The following CYP7B1 variants were observed in gnomAD, a reference collection of about 807,000 sequenced individuals.
CYP7B1 encodes the protein cytochrome P450 family 7 subfamily B member 1.
CYP7B1 carries 29 observed loss-of-function variants against 42.7 expected under a neutral mutation model. The observed-to-expected ratio is 0.68, with a 90% CI of 0.51 to 0.93. CYP7B1 has a LOEUF of 0.93. CYP7B1 is among the 40% of genes least tolerant of loss of function. The pLI is 0.00. For synonymous variants in CYP7B1, 235 were observed against 218.2 expected, an observed-to-expected ratio of 1.08 and a Z score of -0.68; for missense variants, 655 against 600.5, an observed-to-expected ratio of 1.09 and a Z score of -0.95.
intron 4 of CYP7B1, among the ~76,000 whole-genome samples, chr8:64,607,229 T>C (rs987287225): frequency 1.3e-5 from 2 of 152,148 alleles, no homozygotes; most frequent in Non-Finnish European, 1.5e-5. Context: ...AAGCACTCCA[T>C]GAAAGAGAAG....
chr8:64,633,945 C>T (rs1312472271), intron 1 of CYP7B1, among the ~76,000 whole-genome samples: 1 of 152,012 alleles, frequency 6.6e-6, no homozygotes, highest in African/African-American at 2.4e-5. Context: ...AGAAATTGAC[C>T]CACACAAATA....
At chr8:64,768,583 C>T (rs1804152222) in intron 1 of CYP7B1, among the ~76,000 whole-genome samples, 1 of 152,148 alleles carries the variant, frequency 6.6e-6, no homozygotes, top group Non-Finnish European at 1.5e-5. Flanking sequence ...AGATCGTTCA[C>T]TTAGAGCTCT....
intron 1 of CYP7B1, among the ~76,000 whole-genome samples, chr8:64,718,564 C>T (rs1166040433): frequency 6.6e-6 from 1 of 152,198 alleles, no homozygotes; most frequent in Non-Finnish European, 1.5e-5. Context: ...GTAAGAAGTC[C>T]CCTTCTGGGG....
chr8:64,628,572 C>T (rs1805641803), intron 1 of CYP7B1, among the ~76,000 whole-genome samples: 2 of 151,988 alleles, frequency 1.3e-5, no homozygotes, highest in Admixed American at 6.6e-5. Flanking sequence ...CACTTAAACC[C>T]AGGAGGCAGA....
intron 1 of CYP7B1, among the ~76,000 whole-genome samples, chr8:64,710,519 C>T (rs1050730516): frequency 6.6e-5 from 10 of 152,164 alleles, no homozygotes; most frequent in Non-Finnish European, 1.5e-4. Context: ...ATATTTGACA[C>T]CTTCTCTCTT....
intron 1 of CYP7B1, among the ~76,000 whole-genome samples, chr8:64,787,706 T>A (rs1804549742): frequency 1.3e-5 from 2 of 152,220 alleles, no homozygotes; most frequent in Non-Finnish European, 2.9e-5. Context: ...TTTTTGGGAA[T>A]CTGTATAGCA....
chr8:64,775,935 A>C (rs915637154), intron 1 of CYP7B1, among the ~76,000 whole-genome samples: 7 of 152,158 alleles, frequency 4.6e-5, no homozygotes, highest in African/African-American at 1.4e-4. Context: ...TTCTTCATTT[A>C]CAGATGAGAA....
intron 1 of CYP7B1, among the ~76,000 whole-genome samples, chr8:64,729,890 T>C (rs1401460540): frequency 1.3e-5 from 2 of 152,240 alleles, no homozygotes; most frequent in East Asian, 3.8e-4. Flanking sequence ...AATAGTTTTC[T>C]CATTTATGTT....
intron 1 of CYP7B1, among the ~76,000 whole-genome samples, chr8:64,757,676 G>A (rs1471500910): frequency 6.6e-6 from 1 of 152,206 alleles, no homozygotes; most frequent in Non-Finnish European, 1.5e-5. Flanking sequence ...TCACTCAGGT[G>A]CAACTTGGCA....
chr8:64,709,727 A>C (rs1807052735), intron 1 of CYP7B1, among the ~76,000 whole-genome samples: 1 of 152,244 alleles, frequency 6.6e-6, no homozygotes, highest in South Asian at 2.1e-4. Context: ...GATAAACGGC[A>C]TACACAGTGT....
At chr8:64,753,677 C>T (rs1807764427) in intron 1 of CYP7B1, among the ~76,000 whole-genome samples, 1 of 152,214 alleles carries the variant, frequency 6.6e-6, no homozygotes, top group Non-Finnish European at 1.5e-5. Flanking sequence ...TACACAAATA[C>T]ATTAAGCCAG....
At chr8:64,643,184 T>TATATATACACATATATACATATATATAC (rs1563374425) in intron 1 of CYP7B1, among the ~76,000 whole-genome samples, 14 of 38,218 alleles carry the variant, frequency 3.7e-4, no homozygotes, top group East Asian at 2.1e-3. Flanking sequence ...TATATATACA[T>TATATATACACATATATACATATATATAC]ATATATATAC....
intron 1 of CYP7B1, among the ~76,000 whole-genome samples, chr8:64,709,569 T>C (rs904453788): frequency 6.6e-6 from 1 of 152,204 alleles, no homozygotes; most frequent in Non-Finnish European, 1.5e-5. Context: ...TATAAGACTG[T>C]TCATAAAAAT....
At chr8:64,727,702 C>G (rs1216557590) in intron 1 of CYP7B1, among the ~76,000 whole-genome samples, 2 of 152,080 alleles carry the variant, frequency 1.3e-5, no homozygotes, top group Non-Finnish European at 2.9e-5. Flanking sequence ...GAAAGCCCAA[C>G]GAGAACAATC....
chr8:64,779,246 A>G (rs1230286476), intron 1 of CYP7B1, among the ~76,000 whole-genome samples: 1 of 152,174 alleles, frequency 6.6e-6, no homozygotes, highest in African/African-American at 2.4e-5. Flanking sequence ...ACTGCATCAC[A>G]TTAGAAACAT....
chr8:64,756,848 G>A (rs1302870324), intron 1 of CYP7B1, among the ~76,000 whole-genome samples: 1 of 152,146 alleles, frequency 6.6e-6, no homozygotes, highest in Non-Finnish European at 1.5e-5. Flanking sequence ...TGACCTTCAA[G>A]CACTTACGGA....
intron 1 of CYP7B1, among the ~76,000 whole-genome samples, chr8:64,685,180 G>A (rs922434562): frequency 2.0e-5 from 3 of 152,014 alleles, no homozygotes; most frequent in South Asian, 2.1e-4. Flanking sequence ...CGCCCGGGAG[G>A]CAGCGGCTGG....
chr8:64,622,650 G>A (rs1488158857), intron 2 of CYP7B1, among the ~76,000 whole-genome samples: 1 of 152,040 alleles, frequency 6.6e-6, no homozygotes, highest in Non-Finnish European at 1.5e-5. Context: ...GTAACTAGAG[G>A]GGAACCTTAA....
Position 64,615,123 on chromosome 8 carries a change from G to C in CYP7B1, c.960C>G (p.Asp320Glu). The C allele has an allele frequency of 6.2e-7, 1 of 1,613,570 alleles. No homozygotes were observed. Among genetic ancestry groups the C allele is most frequent in the African/African-American group, 1.3e-5 (1 of 74,984 alleles). The change falls in exon 4 of 6, where the codon GAC becomes GAG. Residue 320 changes from aspartate (D) to glutamate (E), a missense_variant. Asp to Glu is a conservative substitution (Grantham distance 45). Coordinates refer to ENST00000310193, the MANE Select transcript of CYP7B1 (RefSeq NM_004820.5). ...TTGACTGCAGCAAACGGTCAATTTCGTCACGCACTGCTGCCATAGCTTCTG... is the reference window on the plus strand; with the variant it reads ...TTGACTGCAGCAAACGGTCAATTTCCTCACGCACTGCTGCCATAGCTTCTG... Reference protein sequence around the residue: ...RHPEAMAAVRDEIDRLLQSTG... With the variant: ...RHPEAMAAVREEIDRLLQSTG...
Sources: allele counts gnomAD v4.1 joint callset (sites outside exome capture counted in the v4.1 genomes callset), GRCh38; gene constraint gnomAD v4.1.1; transcripts MANE v1.5; gene names NCBI Gene and HGNC (gene_info 2026-07-23, HGNC 2026-07-21).